LMOD1: variants seen among roughly 807,000 people sequenced by gnomAD.
LMOD1 encodes leiomodin 1, also known as leiomodin-1.
A neutral mutation model predicts 36.5 loss-of-function variants in LMOD1; 8 were observed. The ratio of observed to expected loss-of-function variants is 0.22; its 90% CI spans 0.13 to 0.40. The LOEUF (loss-of-function observed/expected upper bound fraction) is 0.40, where lower values mean the gene tolerates loss of function less well. Ranked by LOEUF, LMOD1 falls within the 10% of genes least tolerant of loss-of-function variation. The pLI is 1.00. For missense variants in LMOD1, 630 were observed against 751.1 expected, an observed-to-expected ratio of 0.84 and a Z score of 1.88; for synonymous variants, 284 against 288.7, an observed-to-expected ratio of 0.98 and a Z score of 0.17.
intron 1 of LMOD1, among the ~76,000 whole-genome samples, chr1:201,915,357 T>C (rs1449020864): frequency 3.3e-5 from 5 of 152,168 alleles, no homozygotes; most frequent in Non-Finnish European, 1.5e-5. Context: ...TTCTACGTAC[T>C]GATGTCTCTC....
intron 1 of LMOD1, among the ~76,000 whole-genome samples, chr1:201,909,294 G>A (rs1159512409): frequency 6.6e-6 from 1 of 152,240 alleles, no homozygotes; most frequent in Non-Finnish European, 1.5e-5. Flanking sequence ...AATGTCTGCA[G>A]ATGATGGGGT....
rs145983590 is a variant in LMOD1 at position 201,917,679 on chromosome 1, T to C, written c.262-16928A>G. ...GTAGCACTCTGCTCTCTGAAGTGCCTGGCTAGTACTTTCTGCTTCTTCATT... is the reference window on the plus strand; with the variant it reads ...GTAGCACTCTGCTCTCTGAAGTGCCCGGCTAGTACTTTCTGCTTCTTCATT... On this transcript the variant is annotated intron_variant, in intron 1 of 2. Transcript: ENST00000367288. Among the ~76,000 whole-genome samples, 27 of 152,340 alleles carry C rather than the reference T, an allele frequency of 1.8e-4. 2 individuals are homozygous for C. Among genetic ancestry groups the C allele is most frequent in the African/African-American group, 6.5e-4 (27 of 41,584 alleles).
intron 1 of LMOD1, among the ~76,000 whole-genome samples, chr1:201,942,861 A>T (rs538024723): frequency 2.6e-5 from 4 of 152,230 alleles, no homozygotes; most frequent in African/African-American, 7.2e-5. Flanking sequence ...AAGCCAATAA[A>T]TTTTTCCCAT....
chr1:201,902,539 C>CG (rs1186500480), intron 1 of LMOD1, among the ~76,000 whole-genome samples: 1 of 151,994 alleles, frequency 6.6e-6, no homozygotes, highest in Non-Finnish European at 1.5e-5. Flanking sequence ...CTCTGCCTCC[C>CG]GGGTTCAAGT....
At chr1:201,906,853 G>C (rs985588020) in intron 1 of LMOD1, among the ~76,000 whole-genome samples, 1 of 143,990 alleles carries the variant, frequency 6.9e-6, no homozygotes, top group Admixed American at 7.4e-5. Context: ...AACATAGTGA[G>C]TGAGACTCTG....
At chr1:201,913,535 A>AG (rs1558237280) in intron 1 of LMOD1, among the ~76,000 whole-genome samples, 1 of 152,208 alleles carries the variant, frequency 6.6e-6, no homozygotes, top group Non-Finnish European at 1.5e-5. Flanking sequence ...CGAAGTCAGG[A>AG]GGCAGAGGTT....
intron 1 of LMOD1, among the ~76,000 whole-genome samples, chr1:201,929,414 G>A (rs2819356): frequency 0.99 from 150,081 of 152,284 alleles, 74,001 homozygotes; most frequent in East Asian, 1. Context: ...GTAATCTCAG[G>A]TTACTACAGA....
chr1:201,928,671 GC>G (rs2102925006), intron 1 of LMOD1, among the ~76,000 whole-genome samples: 3 of 152,326 alleles, frequency 2.0e-5, no homozygotes, highest in African/African-American at 7.2e-5. Flanking sequence ...GATGATGGGA[GC>G]TAAAGGCCTT....
chr1:201,936,639 A>T (rs1482969771), intron 1 of LMOD1, among the ~76,000 whole-genome samples: 1 of 152,120 alleles, frequency 6.6e-6, no homozygotes, highest in Non-Finnish European at 1.5e-5. Flanking sequence ...CGGTCCATTT[A>T]GAATCTGCTC....
At position 201,900,599 on chromosome 1, in the gene LMOD1, T is replaced by A. The variant is rs1224488389; in HGVS notation, c.414A>T (p.Arg138Ser). 1 of 1,613,790 alleles carries A rather than the reference T, an allele frequency of 6.2e-7. No homozygotes were observed. The highest frequency in any genetic ancestry group is 8.5e-7 in the Non-Finnish European group (1 of 1,179,898). Residue 138 changes from arginine to serine, a missense_variant, in exon 2 of 3, where the codon AGA becomes AGT. This residue lies in a region of LMOD1 where 405 missense variants were observed against 400.6 expected (regional missense o/e 1.01). Coordinates refer to ENST00000367288, the MANE Select transcript of LMOD1 (RefSeq NM_012134.3). Reference protein sequence around the residue: ...GGLKKSFSRDRDEAGGKSGEK... With the variant: ...GGLKKSFSRDSDEAGGKSGEK... ...CGCCACTCTTGCCACCAGCTTCATC[T>A]CTGTCTCTAGAGAAGCTTTTCTTTA...
At chr1:201,924,666 AAAGAAAGAAAGAAAGAAAGAAAGAAAG>A (rs1187039073) in intron 1 of LMOD1, among the ~76,000 whole-genome samples, 1 of 3,498 alleles carries the variant, frequency 2.9e-4, no homozygotes, top group Non-Finnish European at 8.4e-4. Flanking sequence ...GAAAGAAAAA[AAAGAAAGAAAGAAAGAAAGAAAGAAAG>A]AAAGAAAGAA....
At chr1:201,921,487 C>CAAAAAAAAAAAAAAAAAAAAAAAAA in intron 1 of LMOD1, among the ~76,000 whole-genome samples, 1 of 59,782 alleles carries the variant, frequency 1.7e-5, no homozygotes. Flanking sequence ...GACTCCATCT[C>CAAAAAAAAAAAAAAAAAAAAAAAAA]AAAAAAAAAA....
Position 201,946,311 on chromosome 1 carries a change from C to T in LMOD1, c.30G>A (p.Gln10=), listed in dbSNP as rs780726487. 5.0e-6 allele frequency: 8 copies of T among 1,613,998 alleles called. No individual in the cohort carries two copies. Among genetic ancestry groups the T allele is most frequent in the Non-Finnish European group, 6.8e-6 (8 of 1,179,898 alleles). Residue 10 remains glutamine (Q), a synonymous_variant, in exon 1 of 3, where the codon CAG becomes CAA. Transcript: ENST00000367288. MSRVAKYRR[Q]VSEDPDIDSL... is the part of the protein sequence containing the mutation. ...TGTCGATGTCGGGGTCTTCACTCAC[C>T]TGCCGGCGATATTTGGCTACTCTAG...
chr1:201,897,415 C>G lies in LMOD1; in HGVS notation c.*957G>C, dbSNP rs1044130515. ...CAGCAGGACTGGTTCAGGAGCAGACCTAGTAGAGGCCTGGCCTTCTAGACC... is the reference window on the plus strand; with the variant it reads ...CAGCAGGACTGGTTCAGGAGCAGACGTAGTAGAGGCCTGGCCTTCTAGACC... On this transcript the variant is annotated 3_prime_UTR_variant, in exon 3 of 3. Transcript: ENST00000367288. 1 of 154,146 alleles carries G rather than the reference C, an allele frequency of 6.5e-6. No individual in the cohort carries two copies. The highest frequency in any genetic ancestry group is 2.4e-5 in the African/African-American group (1 of 41,434). 9.5% of individuals were successfully genotyped at this position (154,146 alleles called of 1,614,324 possible). A position where few individuals can be genotyped will look rare whatever the true frequency, so the allele number is the denominator to read the frequency against.
In LMOD1 at chr1:201,899,818, T is replaced by C; in HGVS notation, c.1195A>G (p.Ile399Val). 1 of 1,614,036 alleles carries C rather than the reference T, an allele frequency of 6.2e-7. No individual in the cohort carries two copies. Among genetic ancestry groups the C allele is most frequent in the South Asian group, 1.1e-5 (1 of 91,092 alleles). ...ITSLNLDSNH[I>V]TGKGILAIFR... ...ATGGCCAGGATGCCTTTGCCTGTGA[T>C]GTGGTTGGAGTCCAGGTTGAGGCTG... Residue 399 changes from isoleucine (I) to valine (V), a missense_variant, in exon 2 of 3, where the codon ATC (isoleucine) becomes GTC (valine). Ile to Val is a conservative substitution (Grantham distance 29). Coordinates refer to ENST00000367288, the MANE Select transcript of LMOD1 (RefSeq NM_012134.3). The surrounding 1 kb of genome is among the most constrained non-coding windows in gnomAD (Gnocchi z 6.3).
chr1:201,905,829 G>A (rs759607530), intron 1 of LMOD1, among the ~76,000 whole-genome samples: 1 of 152,238 alleles, frequency 6.6e-6, no homozygotes, highest in Non-Finnish European at 1.5e-5. Context: ...CCAGGCACTC[G>A]CCTAGGAGAG....
intron 1 of LMOD1, among the ~76,000 whole-genome samples, chr1:201,908,006 G>A (rs183764324): frequency 1.5e-4 from 23 of 152,154 alleles, no homozygotes; most frequent in Admixed American, 1.0e-3. Context: ...AGGCCTCCCC[G>A]CTGCTGAAGA....
intron 1 of LMOD1, among the ~76,000 whole-genome samples, chr1:201,927,724 G>A (rs1681851932): frequency 6.6e-6 from 1 of 152,218 alleles, no homozygotes; most frequent in Admixed American, 6.5e-5. Context: ...AGGAAACTCA[G>A]TGTAAGCAAA....
chr1:201,901,675 CACATATATATATGTGT>C (rs1681327821), intron 1 of LMOD1, among the ~76,000 whole-genome samples: 1 of 85,868 alleles, frequency 1.2e-5, no homozygotes, highest in Non-Finnish European at 2.3e-5. Flanking sequence ...TATATATATA[CACATATATATATGTGT>C]ATATATATAT....
Sources: gnomAD v4.1 joint callset for allele counts (sites outside exome capture counted in the v4.1 genomes callset) on GRCh38, gnomAD v4.1.1 for gene constraint, gnomAD v4.1.1 regional missense constraint, Gnocchi (gnomAD v3.1) non-coding constraint, MANE v1.5 for transcripts, NCBI Gene and HGNC (gene_info 2026-07-23, HGNC 2026-07-21) for gene names.